Variants in DCDC2C observed in about 807,000 individuals in gnomAD.
DCDC2C encodes doublecortin domain-containing protein 2C.
A neutral mutation model predicts 45.0 loss-of-function variants in DCDC2C; 44 were observed. The ratio of observed to expected loss-of-function variants is 0.98; its 90% confidence interval spans 0.77 to 1.26. The LOEUF is 1.26. DCDC2C is among the 50% of genes most tolerant of loss of function. The pLI is 0.00. For synonymous variants in DCDC2C, 187 were observed against 178.8 expected (o/e 1.05, Z -0.37); for missense variants, 447 against 468.9 (o/e 0.95, Z 0.43).
chr2:3,826,493 T>A (rs1671819447), intron 10 of DCDC2C, among the ~76,000 whole-genome samples: 2 of 152,156 alleles, frequency 1.3e-5, no homozygotes, highest in Non-Finnish European at 2.9e-5. Flanking sequence ...GTATTAGCTT[T>A]TTTTTTTAAA....
Position 3,754,617 on chromosome 2 carries a change from TCA to T in DCDC2C, c.712_713del (p.Gln238GlufsTer14). 6.5e-7 allele frequency: 1 copy of T among 1,549,604 alleles called. No homozygotes were observed. The highest frequency in any genetic ancestry group is 8.7e-7 in the Non-Finnish European group (1 of 1,146,712). ...QQRYANVEKN[S>X]QRKKKVDSKG... ...AAGGTATGCGAATGTTGAAAAAAAC[TCA>T]CAGAGAAAGAAAAAAGTAAGTAACT... On this transcript the variant is annotated frameshift_variant, in exon 6 of 11. Transcript: ENST00000399143. LOFTEE classifies it high-confidence loss of function.
intron 10 of DCDC2C, among the ~76,000 whole-genome samples, chr2:3,827,844 G>C (rs1380677325): frequency 6.6e-6 from 1 of 152,176 alleles, no homozygotes; most frequent in Non-Finnish European, 1.5e-5. Flanking sequence ...GACCAGAAAA[G>C]AACCCATTGG....
chr2:3,779,106 G>T (rs1201008905), intron 9 of DCDC2C, among the ~76,000 whole-genome samples: 1 of 152,196 alleles, frequency 6.6e-6, no homozygotes, highest in Non-Finnish European at 1.5e-5. Context: ...ATCTACACTT[G>T]TCCTAATTAC....
intron 8 of DCDC2C, among the ~76,000 whole-genome samples, chr2:3,771,178 G>A (rs557037764): frequency 1.3e-5 from 2 of 152,340 alleles, no homozygotes; most frequent in South Asian, 2.1e-4. Context: ...CAGAAAGAGC[G>A]GCTGTCAGCT....
Position 3,847,906 on chromosome 2 carries a change from G to A in DCDC2C, c.*723G>A, listed in dbSNP as rs993206698. Among the ~76,000 whole-genome samples, 10 of 151,880 alleles carry A rather than the reference G, an allele frequency of 6.6e-5. No homozygotes were observed. Among genetic ancestry groups the A allele is most frequent in the Non-Finnish European group, 1.5e-4 (10 of 68,000 alleles). Reference sequence around the variant, plus strand: ...TGAAAAAGATTCTTGCTTCCCCTTCGCCCTTCTGCTATGATTGTAAGTTTC... The same window carrying A: ...TGAAAAAGATTCTTGCTTCCCCTTCACCCTTCTGCTATGATTGTAAGTTTC... On this transcript the variant is annotated 3_prime_UTR_variant, in exon 11 of 11. Transcript: ENST00000399143.
At chr2:3,843,008 A>G (rs1478128718) in intron 10 of DCDC2C, among the ~76,000 whole-genome samples, 1 of 152,232 alleles carries the variant, frequency 6.6e-6, no homozygotes, top group East Asian at 1.9e-4. Flanking sequence ...CATTGTCGCC[A>G]TGCCCTCGTC....
At chr2:3,705,236 T>A (rs565398955) in intron 1 of DCDC2C, among the ~76,000 whole-genome samples, 1 of 152,242 alleles carries the variant, frequency 6.6e-6, no homozygotes, top group African/African-American at 2.4e-5. Context: ...ACCATTCAGT[T>A]GTTTCTGAAG....
chr2:3,821,040 C>T (rs1671676594), intron 10 of DCDC2C, among the ~76,000 whole-genome samples: 1 of 151,996 alleles, frequency 6.6e-6, no homozygotes, highest in Admixed American at 6.6e-5. Flanking sequence ...CGGGCTGAGT[C>T]CAAAAAGAGA....
intron 10 of DCDC2C, among the ~76,000 whole-genome samples, chr2:3,798,404 C>T (rs1671020329): frequency 6.6e-6 from 1 of 151,024 alleles, no homozygotes; most frequent in Non-Finnish European, 1.5e-5. Context: ...TGAATTTGAT[C>T]CTGTCATGAT....
At chr2:3,710,402 C>A (rs1179263880) in intron 2 of DCDC2C, among the ~76,000 whole-genome samples, 1 of 152,168 alleles carries the variant, frequency 6.6e-6, no homozygotes, top group African/African-American at 2.4e-5. Context: ...GTTCCCCTCC[C>A]TGTGCCCATG....
intron 5 of DCDC2C, 88 bp downstream of exon 5, chr2:3,752,988 C>T: frequency 7.3e-7 from 1 of 1,366,202 alleles, no homozygotes. Flanking sequence ...TCCAGTTCAG[C>T]TATTGGTTAT....
intron 10 of DCDC2C, among the ~76,000 whole-genome samples, chr2:3,809,668 G>A (rs1483819066): frequency 1.3e-5 from 2 of 152,126 alleles, no homozygotes; most frequent in Non-Finnish European, 2.9e-5. Context: ...AGAACATGCA[G>A]GTTTGTTACA....
intron 3 of DCDC2C, among the ~76,000 whole-genome samples, chr2:3,728,255 G>A (rs1572564945): frequency 6.6e-6 from 1 of 152,190 alleles, no homozygotes; most frequent in South Asian, 2.1e-4. Flanking sequence ...GGCCCCTTGC[G>A]CTTTTCCTGA....
intron 2 of DCDC2C, among the ~76,000 whole-genome samples, chr2:3,712,924 T>G (rs1345316450): frequency 1.3e-5 from 2 of 152,196 alleles, no homozygotes; most frequent in African/African-American, 4.8e-5. Context: ...CTCAGCATGT[T>G]TTCACACCTA....
intron 10 of DCDC2C, among the ~76,000 whole-genome samples, chr2:3,811,543 C>T (rs1007581457): frequency 7.2e-5 from 11 of 152,162 alleles, no homozygotes; most frequent in Non-Finnish European, 1.3e-4. Context: ...AATTTGACTT[C>T]CTCTTTTCCT....
At chr2:3,845,070 G>A (rs1378195831) in intron 10 of DCDC2C, among the ~76,000 whole-genome samples, 2 of 152,206 alleles carry the variant, frequency 1.3e-5, no homozygotes, top group Admixed American at 1.3e-4. Flanking sequence ...AGAATCCTAT[G>A]TACATTTTTG....
rs182701017 is a variant in DCDC2C, at chr2:3,832,169, G to A, written c.1066-14985G>A. 1.8e-3 allele frequency among the ~76,000 whole-genome samples: 278 copies of A among 152,258 alleles called. 7 individuals are homozygous for A. The highest frequency in any genetic ancestry group is 0.018 in the Admixed American group (274 of 15,284). ...TCAAAACATCTGCCAACACTAAATGGTTTCAGAAAGTATTCTTGTCTGTTT... is the reference window on the plus strand; with the variant it reads ...TCAAAACATCTGCCAACACTAAATGATTTCAGAAAGTATTCTTGTCTGTTT... On this transcript the variant is annotated intron_variant, in intron 10 of 10. Transcript: ENST00000399143.
intron 2 of DCDC2C, among the ~76,000 whole-genome samples, chr2:3,726,492 G>C (rs969877866): frequency 6.6e-6 from 1 of 152,124 alleles, no homozygotes; most frequent in East Asian, 1.9e-4. Flanking sequence ...GGTTGGCCCG[G>C]CCTCTCAGGC....
At chr2:3,810,281 C>A (rs1671361347) in intron 10 of DCDC2C, among the ~76,000 whole-genome samples, 1 of 152,162 alleles carries the variant, frequency 6.6e-6, no homozygotes. Flanking sequence ...TTAATAATTG[C>A]CATTTGGACT....
Sources: allele counts gnomAD v4.1 joint callset (sites outside exome capture counted in the v4.1 genomes callset), GRCh38; gene constraint gnomAD v4.1.1; transcripts MANE v1.5; gene names NCBI Gene and HGNC (gene_info 2026-07-23, HGNC 2026-07-21).